Variants in GRM1 observed in about 807,000 individuals in gnomAD.
GRM1 encodes metabotropic glutamate receptor 1.
GRM1 carries 33 observed loss-of-function variants against 90.9 expected under a neutral mutation model. The ratio of observed to expected loss-of-function variants is 0.36; its 90% CI spans 0.28 to 0.49. The LOEUF (loss-of-function observed/expected upper bound fraction) is 0.49. Among genes scored for constraint, GRM1 ranks in the 20% least tolerant of loss-of-function variants. The probability of loss-of-function intolerance (pLI) is 0.99; values close to 1 mark genes in which losing one functional copy is unlikely to be tolerated. For synonymous variants in GRM1, 700 were observed against 613.2 expected, an observed-to-expected ratio of 1.14 and a Z score of -2.09; for missense variants, 1,190 against 1,534.3, an observed-to-expected ratio of 0.78 and a Z score of 3.75.
chr6:146,416,659 G>A (rs77094027), intron 7 of GRM1, among the ~76,000 whole-genome samples: 1,970 of 151,960 alleles, frequency 0.013, 48 homozygotes, highest in African/African-American at 0.045. Context: ...ATCCAGTTAC[G>A]GACTGAGCTG....
At chr6:146,386,649 A>C (rs1205818794) in intron 5 of GRM1, among the ~76,000 whole-genome samples, 1 of 152,090 alleles carries the variant, frequency 6.6e-6, no homozygotes, top group Non-Finnish European at 1.5e-5. Context: ...AAATAACTCT[A>C]TAAAATGAAT....
At chr6:146,319,619 T>C (rs1784098144) in intron 3 of GRM1, among the ~76,000 whole-genome samples, 1 of 152,206 alleles carries the variant, frequency 6.6e-6, no homozygotes, top group Admixed American at 6.5e-5. Context: ...GTTTTTCTAT[T>C]TGTGTCCTCT....
rs778654052 is a variant in GRM1, at chr6:146,399,716, G to A, written c.2660+17G>A. The A allele has an allele frequency of 6.5e-7, 1 of 1,537,322 alleles. No individual in the cohort carries two copies. Among genetic ancestry groups the A allele is most frequent in the South Asian group, 1.1e-5 (1 of 88,576 alleles). ...GAATGCCAAGTGAGTTATCTGACCT[G>A]TTTGTCTCTCTTTTCTCTTCCTTTC... On this transcript the variant is annotated intron_variant, in intron 7 of 7. Coordinates refer to ENST00000282753, the MANE Select transcript of GRM1 (RefSeq NM_001278064.2). This position sits in a 1 kb window ranked among gnomAD's most constrained non-coding sequence, Gnocchi z 5.4.
intron 2 of GRM1, chr6:146,171,298 G>T (rs935430517): frequency 6.6e-6 from 1 of 152,122 alleles, no homozygotes; most frequent in African/African-American, 2.4e-5. Flanking sequence ...GGGCCCTCAC[G>T]TGCCAAAAAC....
At chr6:146,226,887 A>C (rs1481508239) in intron 2 of GRM1, among the ~76,000 whole-genome samples, 1 of 152,020 alleles carries the variant, frequency 6.6e-6, no homozygotes, top group Non-Finnish European at 1.5e-5. Context: ...CTGTTACTGC[A>C]TTTGCTCTTT....
chr6:146,192,715 G>T (rs1257558775), intron 2 of GRM1, among the ~76,000 whole-genome samples: 2 of 152,124 alleles, frequency 1.3e-5, no homozygotes, highest in East Asian at 3.8e-4. Context: ...TCAATTTACT[G>T]ATCTTTATTT....
At position 146,309,244 on chromosome 6, in the gene GRM1, C is replaced by G. The variant is rs190147995; in HGVS notation, c.1186+4398C>G. Among the ~76,000 whole-genome samples the G allele has an allele frequency of 2.4e-3, 372 of 151,920 alleles. 2 individuals are homozygous for G. The highest frequency in any genetic ancestry group is 8.6e-3 in the African/African-American group (358 of 41,432). On this transcript the variant is annotated intron_variant, in intron 3 of 7. Transcript: ENST00000282753. ...TGAAGCCCCATCTCTACTAAAAATA[C>G]AAAAATTAGTTGGGCTTGGTGGCGG...
Position 146,433,971 on chromosome 6 carries a change from T to C in GRM1, c.2760T>C (p.Asn920=). 6.2e-7 allele frequency: 1 copy of C among 1,614,056 alleles called. No individual in the cohort carries two copies. The highest frequency in any genetic ancestry group is 1.1e-5 in the South Asian group (1 of 91,072). ...WHRLSVHVKT[N]ETACNQTAVI... ...GCCTCTCTGTGCACGTGAAGACCAA[T>C]GAGACGGCCTGCAACCAAACAGCCG... The change falls in exon 8 of 8, where the codon AAT becomes AAC. Residue 920 remains asparagine (N), a synonymous_variant. Transcript: ENST00000282753.
intron 3 of GRM1, among the ~76,000 whole-genome samples, chr6:146,343,661 A>T (rs1310933473): frequency 5.4e-5 from 8 of 147,618 alleles, no homozygotes; most frequent in East Asian, 2.0e-4. Flanking sequence ...GTTTTTATTT[A>T]TTATTATTAT....
At chr6:146,047,922 C>A (rs555410748) in intron 1 of GRM1, among the ~76,000 whole-genome samples, 3 of 151,948 alleles carry the variant, frequency 2.0e-5, no homozygotes, top group African/African-American at 7.2e-5. Flanking sequence ...CACCTGACAC[C>A]TAGCTATGAT....
chr6:146,419,999 ACTG>A, intron 7 of GRM1, among the ~76,000 whole-genome samples: 1 of 152,174 alleles, frequency 6.6e-6, no homozygotes, highest in Non-Finnish European at 1.5e-5. Flanking sequence ...GTCACAAAGG[ACTG>A]GGGTGAGGAA....
chr6:146,254,201 C>G (rs12111493), intron 2 of GRM1, among the ~76,000 whole-genome samples: 1 of 152,176 alleles, frequency 6.6e-6, no homozygotes, highest in Non-Finnish European at 1.5e-5. Flanking sequence ...CTGAAACAAA[C>G]TGGTCTGGAT....
At chr6:146,352,103 C>T in intron 3 of GRM1, 147 bp from the exon 4 acceptor site, 1 of 747,306 alleles carries the variant, frequency 1.3e-6, no homozygotes. Context: ...GCCACAAGTA[C>T]AAAGCTTGCA....
At chr6:146,218,345 G>T (rs1779945022) in intron 2 of GRM1, among the ~76,000 whole-genome samples, 1 of 152,110 alleles carries the variant, frequency 6.6e-6, no homozygotes, top group African/African-American at 2.4e-5. Context: ...TTACAGACAT[G>T]AACTCTTTTT....
At position 146,030,786 on chromosome 6, in the gene GRM1, A is replaced by G. The variant is rs1009665964; in HGVS notation, c.700+569A>G. The stretch of plus-strand genomic sequence containing the variant: ...CAGTATATCAGAAACTTATATTTTT[A>G]CTTCTGGAGTACCTTAGTTACAAAG... On this transcript the variant is annotated intron_variant, in intron 1 of 7. Coordinates refer to ENST00000282753, the MANE Select transcript of GRM1 (RefSeq NM_001278064.2). Among the ~76,000 whole-genome samples, 16 of 152,186 alleles carry G rather than the reference A, an allele frequency of 1.1e-4. 1 individual carries two copies. The highest frequency in any genetic ancestry group is 3.9e-4 in the African/African-American group (16 of 41,452).
intron 3 of GRM1, among the ~76,000 whole-genome samples, chr6:146,322,574 C>CTTTTATTTTCTTTTCTTTTA (rs1554296829): frequency 6.9e-6 from 1 of 144,878 alleles, no homozygotes; most frequent in Admixed American, 6.8e-5. Flanking sequence ...TGCTGCCTTT[C>CTTTTATTTTCTTTTCTTTTA]TTTTATTTTA....
At chr6:146,408,094 G>T (rs1034773345) in intron 7 of GRM1, among the ~76,000 whole-genome samples, 3 of 152,098 alleles carry the variant, frequency 2.0e-5, no homozygotes, top group African/African-American at 7.2e-5. Context: ...CCTAGTGAGG[G>T]TCCTCTTCTG....
At chr6:146,091,032 A>G (rs942811623) in intron 1 of GRM1, among the ~76,000 whole-genome samples, 4 of 152,104 alleles carry the variant, frequency 2.6e-5, no homozygotes, top group African/African-American at 9.7e-5. Context: ...ACCTATAGCC[A>G]CACTCAGTCT....
intron 7 of GRM1, among the ~76,000 whole-genome samples, chr6:146,417,164 AG>A (rs1777817030): frequency 6.6e-6 from 1 of 152,186 alleles, no homozygotes. Context: ...AAAAATTCCA[AG>A]GGGAAAAACA....
Sources: gnomAD v4.1 joint callset for allele counts (sites outside exome capture counted in the v4.1 genomes callset) on GRCh38, gnomAD v4.1.1 for gene constraint, Gnocchi (gnomAD v3.1) non-coding constraint, MANE v1.5 for transcripts, NCBI Gene and HGNC (gene_info 2026-07-23, HGNC 2026-07-21) for gene names.